The following RBFOX1 variants were observed in gnomAD, a reference collection of about 807,000 sequenced individuals.
RBFOX1 encodes the protein RNA binding protein fox-1 homolog 1.
Under a neutral mutation model 57.7 loss-of-function variants are expected in RBFOX1, and 8 were observed. The ratio of observed to expected loss-of-function variants is 0.14; its 90% CI spans 0.08 to 0.25. RBFOX1 has a LOEUF of 0.25. RBFOX1 is among the 10% of genes least tolerant of loss of function. RBFOX1 has a pLI of 1.00. For missense variants in RBFOX1, 611 were observed against 548.5 expected (o/e 1.11, Z -1.14); for synonymous variants, 326 against 222.4 (o/e 1.47, Z -4.15).
At chr16:6,829,700 C>G (rs900222324) in intron 3 of RBFOX1, among the ~76,000 whole-genome samples, 1 of 152,044 alleles carries the variant, frequency 6.6e-6, no homozygotes, top group African/African-American at 2.4e-5. Flanking sequence ...CTCCTGGGTT[C>G]AAGAGATTCT....
chr16:7,243,800 C>G (rs2094171933), intron 4 of RBFOX1, among the ~76,000 whole-genome samples: 1 of 152,070 alleles, frequency 6.6e-6, no homozygotes, highest in Non-Finnish European at 1.5e-5. Context: ...TCCTCCTTGC[C>G]TAGCCTCCCA....
chr16:5,423,099 AGGAGGGAGAGGGAGGAAGG>A, intron 1 of RBFOX1, among the ~76,000 whole-genome samples: 1 of 123,760 alleles, frequency 8.1e-6, no homozygotes, highest in East Asian at 2.8e-4. Context: ...AAGAGGAAGG[AGGAGGGAGAGGGAGGAAGG>A]GGAGGGAGGA....
Position 6,607,767 on chromosome 16 carries a change from G to T in RBFOX1, c.-63-46836G>T, listed in dbSNP as rs192886415. 3.9e-5 allele frequency among the ~76,000 whole-genome samples: 6 copies of T among 152,246 alleles called. No homozygotes were observed. The Middle Eastern group carries it at 0.01, about 259-fold the overall frequency. ...CTGCTGTATATGGTTCCAAAATTCA[G>T]TGTCTACAACATAGCTCCCGAATAA... On this transcript the variant is annotated intron_variant, in intron 2 of 15. Coordinates refer to ENST00000550418, the MANE Select transcript of RBFOX1 (RefSeq NM_018723.4).
In RBFOX1 at chr16:6,289,906, G is replaced by A. The variant is rs2077290176; in HGVS notation, c.-126-27089G>A. 2.0e-5 allele frequency among the ~76,000 whole-genome samples: 3 copies of A among 152,084 alleles called. No homozygotes were observed. In the South Asian group the frequency reaches 6.2e-4, roughly 32 times the overall value. ...AAGCAGTGTAGAAAGAGGAGGGAGA[G>A]TAGAGAAATCTGAATGCCTTTGATA... On this transcript the variant is annotated intron_variant, in intron 1 of 15. Coordinates refer to ENST00000550418, the MANE Select transcript of RBFOX1 (RefSeq NM_018723.4).
At chr16:5,764,126 A>C (rs2053689442) in intron 3 of RBFOX1, among the ~76,000 whole-genome samples, 1 of 151,876 alleles carries the variant, frequency 6.6e-6, no homozygotes, top group Non-Finnish European at 1.5e-5. Flanking sequence ...TTTTGCAACC[A>C]GGAAGATGCT....
At chr16:7,699,867 A>T (rs1325641243) in intron 14 of RBFOX1, among the ~76,000 whole-genome samples, 1 of 152,150 alleles carries the variant, frequency 6.6e-6, no homozygotes, top group Non-Finnish European at 1.5e-5. Flanking sequence ...GAATATTGAA[A>T]GAGTTTGTGT....
chr16:7,680,970 C>G (rs1291131756), intron 14 of RBFOX1, among the ~76,000 whole-genome samples: 1 of 152,088 alleles, frequency 6.6e-6, no homozygotes, highest in African/African-American at 2.4e-5. Flanking sequence ...TCAGGTAAAG[C>G]TTAATGCAAA....
intron 2 of RBFOX1, among the ~76,000 whole-genome samples, chr16:5,529,817 C>G (rs745666340): frequency 3.9e-5 from 6 of 152,210 alleles, no homozygotes; most frequent in Middle Eastern, 3.4e-3. Flanking sequence ...ATCCACCCAC[C>G]TCAGATTCCC....
chr16:6,901,314 C>T (rs1277452348), intron 3 of RBFOX1, among the ~76,000 whole-genome samples: 1 of 152,184 alleles, frequency 6.6e-6, no homozygotes, highest in Non-Finnish European at 1.5e-5. Context: ...ATTTTAGCAA[C>T]ACGGCAAGTC....
intron 2 of RBFOX1, among the ~76,000 whole-genome samples, chr16:6,324,041 G>A (rs967528213): frequency 2.0e-5 from 3 of 152,162 alleles, no homozygotes; most frequent in Admixed American, 6.5e-5. Context: ...CCAAAGTGCT[G>A]AGATTATAGG....
intron 3 of RBFOX1, among the ~76,000 whole-genome samples, chr16:6,926,329 CCCTT>C (rs2075581741): frequency 6.6e-6 from 1 of 151,936 alleles, no homozygotes; most frequent in East Asian, 1.9e-4. Context: ...AAAACAAAAA[CCCTT>C]ATTTGGCAGT....
chr16:5,865,341 G>A (rs1180416218), intron 3 of RBFOX1, among the ~76,000 whole-genome samples: 1 of 152,082 alleles, frequency 6.6e-6, no homozygotes, highest in Non-Finnish European at 1.5e-5. Flanking sequence ...GTCCTGAACG[G>A]GCGCCAGGAA....
At chr16:6,190,075 C>T (rs973590174) in intron 1 of RBFOX1, among the ~76,000 whole-genome samples, 2 of 152,072 alleles carry the variant, frequency 1.3e-5, no homozygotes, top group African/African-American at 4.8e-5. Context: ...TTCAGGTGTG[C>T]AGTTTTATTA....
chr16:7,665,725 A>T lies in RBFOX1; in HGVS notation c.930+757A>T, dbSNP rs114915218. ...GGAGTAAACACAATTTTGAATAAGT[A>T]GGCAGTGTTGGGAGATATTCCCTAA... On this transcript the variant is annotated intron_variant, in intron 13 of 15. Transcript: ENST00000550418. Among the ~76,000 whole-genome samples the T allele has an allele frequency of 5.2e-3, 791 of 152,320 alleles. 8 individuals carry two copies. The highest frequency in any genetic ancestry group is 0.018 in the African/African-American group (758 of 41,562).
In RBFOX1 at chr16:7,703,976, A is replaced by G. The variant is rs540584052; in HGVS notation, c.996-5080A>G. 3.3e-5 allele frequency among the ~76,000 whole-genome samples: 5 copies of G among 152,346 alleles called. No individual in the cohort carries two copies. The South Asian group carries it at 8.3e-4, about 25-fold the overall frequency. ...TTTGTGAAATACAATCTAAGAAGCC[A>G]TGTATCATAATCTCCTCTATCTGTA... On this transcript the variant is annotated intron_variant, in intron 14 of 15. Transcript: ENST00000550418.
chr16:7,118,862 G>C (rs986222475), intron 4 of RBFOX1, among the ~76,000 whole-genome samples: 1 of 152,132 alleles, frequency 6.6e-6, no homozygotes, highest in African/African-American at 2.4e-5. Flanking sequence ...ATACCAAATA[G>C]AGCACATAGA....
chr16:6,390,859 C>T (rs991052138), intron 2 of RBFOX1, among the ~76,000 whole-genome samples: 1 of 152,030 alleles, frequency 6.6e-6, no homozygotes, highest in African/African-American at 2.4e-5. Context: ...GCCAGGGTTG[C>T]ATTTTAGTGG....
rs541529526 is a variant in RBFOX1 at position 7,584,380 on chromosome 16, C to A, written c.415-2867C>A. On this transcript the variant is annotated intron_variant, in intron 6 of 15. Coordinates refer to ENST00000550418, the MANE Select transcript of RBFOX1 (RefSeq NM_018723.4). Reference sequence around the variant, plus strand: ...CAATCTTGGTTCACTGCAACCTCCACCTCCCAGGTTCAAGTGATTCTCCTG... The same window carrying A: ...CAATCTTGGTTCACTGCAACCTCCAACTCCCAGGTTCAAGTGATTCTCCTG... Among the ~76,000 whole-genome samples the A allele has an allele frequency of 4.9e-4, 74 of 152,292 alleles. No homozygotes were observed. In the South Asian group the frequency reaches 9.1e-3, roughly 19 times the overall value.
chr16:6,107,457 G>A (rs550524404), intron 1 of RBFOX1, among the ~76,000 whole-genome samples: 11 of 152,180 alleles, frequency 7.2e-5, no homozygotes, highest in Middle Eastern at 6.8e-3. Context: ...CTTAATCTGC[G>A]GAGATGTCGG....
Sources: gnomAD v4.1 joint callset for allele counts (sites outside exome capture counted in the v4.1 genomes callset) on GRCh38, gnomAD v4.1.1 for gene constraint, MANE v1.5 for transcripts, NCBI Gene and HGNC (gene_info 2026-07-23, HGNC 2026-07-21) for gene names.